Variants in NHERF2 observed in about 807,000 individuals in gnomAD.
NHERF2 encodes the protein Na(+)/H(+) exchange regulatory cofactor NHE-RF2.
chr16:2,033,258 G>A, the NHERF2 span: 2 of 1,527,364 alleles, frequency 1.3e-6, no homozygotes, highest in East Asian at 2.5e-5. Flanking sequence ...GGCCGCAGAG[G>A]GAGGTAGATA....
the NHERF2 span, among the ~76,000 whole-genome samples, chr16:2,030,268 G>A: frequency 2.0e-5 from 3 of 152,178 alleles, no homozygotes; most frequent in Non-Finnish European, 2.9e-5. Flanking sequence ...AAGCCTAGGA[G>A]GCCACTCTGC....
chr16:2,038,692 T>C, the NHERF2 span: 1 of 227,448 alleles, frequency 4.4e-6, no homozygotes, highest in Non-Finnish European at 8.7e-6. Flanking sequence ...CCAGCTACCC[T>C]GTGCGCCTGT....
chr16:2,029,569 C>G, the NHERF2 span: 3 of 1,559,612 alleles, frequency 1.9e-6, no homozygotes, highest in East Asian at 4.8e-5. Context: ...CTCCTATCGC[C>G]CATTCGCCCC....
chr16:2,034,133 C>T, the NHERF2 span, among the ~76,000 whole-genome samples: 5 of 152,140 alleles, frequency 3.3e-5, no homozygotes, highest in African/African-American at 4.8e-5. Context: ...GCTGTGCAGG[C>T]GTGGGAAGGG....
the NHERF2 span, chr16:2,032,662 T>G: frequency 2.2e-5 from 5 of 223,582 alleles, no homozygotes; most frequent in Non-Finnish European, 3.8e-5. The surrounding 1 kb of genome is among the most constrained non-coding windows in gnomAD (Gnocchi z 4.0). Context: ...AGGACACTGA[T>G]GTGGTTGGCC....
At chr16:2,038,269 G>A in the NHERF2 span, 1,249 of 558,360 alleles carry the variant, frequency 2.2e-3, 7 homozygotes, top group Non-Finnish European at 3.4e-3. Flanking sequence ...GAGAGCGAGC[G>A]AGCGCGCGGC....
the NHERF2 span, chr16:2,036,061 G>C: frequency 2.0e-6 from 1 of 499,044 alleles, no homozygotes; most frequent in African/African-American, 1.9e-5. Context: ...CTGGCCTCGA[G>C]CCAAAGGAAT....
chr16:2,031,444 A>G, the NHERF2 span, among the ~76,000 whole-genome samples: 1 of 152,148 alleles, frequency 6.6e-6, no homozygotes, highest in Non-Finnish European at 1.5e-5. Flanking sequence ...TTGGACACAA[A>G]CGCATGGTTC....
At chr16:2,036,683 G>A in the NHERF2 span, 20 of 1,600,408 alleles carry the variant, frequency 1.2e-5, no homozygotes, top group Middle Eastern at 1.7e-4. Flanking sequence ...GGCGTTGGGG[G>A]CTGTCTGGGC....
the NHERF2 span, among the ~76,000 whole-genome samples, chr16:2,033,713 C>G: frequency 6.6e-6 from 1 of 152,042 alleles, no homozygotes; most frequent in African/African-American, 2.4e-5. Context: ...CCCGTGGGAG[C>G]CCGAGGGCCT....
At chr16:2,037,355 C>T in the NHERF2 span, among the ~76,000 whole-genome samples, 9 of 152,164 alleles carry the variant, frequency 5.9e-5, no homozygotes, top group Admixed American at 2.0e-4. Flanking sequence ...CCGGCCAGGC[C>T]ACCTGCCTGT....
chr16:2,037,481 T>A, the NHERF2 span: 1 of 1,404,246 alleles, frequency 7.1e-7, no homozygotes, highest in Non-Finnish European at 9.9e-7. Context: ...TGCACATGTG[T>A]GCGTGTGCAG....
chr16:2,038,233 GAGAGAGACAC>G, the NHERF2 span: 4 of 589,822 alleles, frequency 6.8e-6, no homozygotes, highest in South Asian at 5.9e-5. Flanking sequence ...GAGAGAGAGA[GAGAGAGACAC>G]AGAGAGAGAC....
chr16:2,029,688 T>C, the NHERF2 span: 2 of 1,560,860 alleles, frequency 1.3e-6, no homozygotes, highest in Non-Finnish European at 1.7e-6. Flanking sequence ...ACCGAGGAGA[T>C]GGCCCAGCGA....
the NHERF2 span, chr16:2,035,702 G>A: frequency 2.0e-6 from 2 of 985,388 alleles, no homozygotes; most frequent in Non-Finnish European, 2.4e-6. Context: ...AGGTAACATG[G>A]GGCAGGGCCT....
chr16:2,034,018 T>A, the NHERF2 span, among the ~76,000 whole-genome samples: 1 of 152,176 alleles, frequency 6.6e-6, no homozygotes, highest in Non-Finnish European at 1.5e-5. Context: ...GTGGCCAGAA[T>A]GACCCTGAGA....
chr16:2,032,769 G>A, the NHERF2 span: 1 of 988,256 alleles, frequency 1.0e-6, no homozygotes, highest in Non-Finnish European at 1.2e-6. This position sits in a 1 kb window ranked among gnomAD's most constrained non-coding sequence, Gnocchi z 4.0. Flanking sequence ...GCTGATCCTA[G>A]TAGTGACGAC....
chr16:2,035,499 C>T, the NHERF2 span: 1 of 986,390 alleles, frequency 1.0e-6, no homozygotes, highest in South Asian at 4.7e-5. Context: ...CCTGCGCACG[C>T]CCTCAAGCTT....
At chr16:2,037,679 C>A in the NHERF2 span, 2 of 1,567,724 alleles carry the variant, frequency 1.3e-6, no homozygotes, top group Non-Finnish European at 1.7e-6. Context: ...AGATGTCAGC[C>A]CGGGCAGTGG....
Sources: gnomAD v4.1 joint callset for allele counts (sites outside exome capture counted in the v4.1 genomes callset) on GRCh38, gnomAD v4.1.1 for gene constraint, Gnocchi (gnomAD v3.1) non-coding constraint, MANE v1.5 for transcripts, NCBI Gene and HGNC (gene_info 2026-07-23, HGNC 2026-07-21) for gene names.